The following CSMD3 variants were observed in gnomAD, a reference collection of about 807,000 sequenced individuals.
CSMD3 encodes CUB and sushi domain-containing protein 3.
A neutral mutation model predicts 435.2 loss-of-function variants in CSMD3; 177 were observed. The observed-to-expected ratio is 0.41, with a 90% CI of 0.36 to 0.46. The LOEUF is 0.46. Ranked by LOEUF, CSMD3 falls within the 20% of genes least tolerant of loss-of-function variation. The pLI, the probability that CSMD3 is intolerant of heterozygous loss-of-function variation, is 0.34. For synonymous variants in CSMD3, 1,656 were observed against 1,520.5 expected (o/e 1.09, Z -2.07); for missense variants, 4,265 against 4,504.6 (o/e 0.95, Z 1.52).
chr8:112,426,776 T>G (rs1201696755), intron 32 of CSMD3, among the ~76,000 whole-genome samples: 1 of 152,242 alleles, frequency 6.6e-6, no homozygotes, highest in Non-Finnish European at 1.5e-5. Flanking sequence ...AGATTATTCG[T>G]GTATTCCAGT....
At chr8:112,460,628 T>C (rs548416568) in intron 32 of CSMD3, among the ~76,000 whole-genome samples, 1 of 152,124 alleles carries the variant, frequency 6.6e-6, no homozygotes, top group Non-Finnish European at 1.5e-5. Context: ...GATTTTAATT[T>C]GAATTTTAAT....
At chr8:113,223,538 T>C (rs938319788) in intron 3 of CSMD3, among the ~76,000 whole-genome samples, 2 of 150,242 alleles carry the variant, frequency 1.3e-5, no homozygotes, top group East Asian at 3.9e-4. Context: ...TATTAGCCTT[T>C]ATTATTTATA....
Position 112,656,292 on chromosome 8 carries a change from T to C in CSMD3, c.2866A>G (p.Asn956Asp), listed in dbSNP as rs2075256017. ...YDVLEVHDGP[N>D]LLSPLLGSYN... Reference sequence around the variant, plus strand: ...GATCCAAGCAAGGGTGACAGAAGATTTGGCCCATCATGAACTTCCAGAACA... The same window carrying C: ...GATCCAAGCAAGGGTGACAGAAGATCTGGCCCATCATGAACTTCCAGAACA... The change falls in exon 18 of 71, where the codon AAT becomes GAT. Residue 956 changes from asparagine (N) to aspartate (D), a missense_variant. By Grantham distance (23) the Asn-to-Asp change is conservative (BLOSUM62 1). This residue lies in a region of CSMD3 where 3,255 missense variants were observed against 3,380.2 expected (regional missense o/e 0.96). Transcript: ENST00000297405. 1 of 1,613,634 alleles carries C rather than the reference T, an allele frequency of 6.2e-7. No individual in the cohort carries two copies. Among genetic ancestry groups the C allele is most frequent in the Non-Finnish European group, 8.5e-7 (1 of 1,179,706 alleles).
At chr8:112,879,707 A>G (rs1004814261) in intron 10 of CSMD3, among the ~76,000 whole-genome samples, 2 of 152,028 alleles carry the variant, frequency 1.3e-5, no homozygotes, top group African/African-American at 4.8e-5. Context: ...AGACCAGCTG[A>G]CACTTAGGGA....
intron 31 of CSMD3, among the ~76,000 whole-genome samples, chr8:112,476,963 A>T (rs1819115486): frequency 6.6e-6 from 1 of 152,120 alleles, no homozygotes; most frequent in Admixed American, 6.5e-5. Flanking sequence ...AAGACTTATC[A>T]TATTTCTCTT....
In CSMD3 at chr8:112,547,351, C is replaced by T. The variant is rs865809978; in HGVS notation, c.4564+3320G>A. On this transcript the variant is annotated intron_variant, in intron 27 of 70. Transcript: ENST00000297405. ...AGGCACCATAATTAAAATACCATTA[C>T]CAGCCTGGCCGACGTAATGAGACCT... 2.0e-5 allele frequency among the ~76,000 whole-genome samples: 3 copies of T among 151,890 alleles called. 1 individual carries two copies. The highest frequency in any genetic ancestry group is 2.1e-4 in the South Asian group (1 of 4,820).
At chr8:113,159,943 AAT>A (rs140157124) in intron 4 of CSMD3, among the ~76,000 whole-genome samples, 22 of 149,962 alleles carry the variant, frequency 1.5e-4, no homozygotes, top group South Asian at 2.1e-4. Context: ...GCCAAGTCAG[AAT>A]ATATATATAT....
chr8:113,278,358 TTTG>T (rs1197987414), intron 3 of CSMD3, among the ~76,000 whole-genome samples: 1 of 151,892 alleles, frequency 6.6e-6, no homozygotes, highest in Non-Finnish European at 1.5e-5. Flanking sequence ...TTAATTCCGT[TTTG>T]TTAATTCGTA....
At chr8:112,436,808 TG>T (rs1032070949) in intron 32 of CSMD3, among the ~76,000 whole-genome samples, 2 of 152,028 alleles carry the variant, frequency 1.3e-5, no homozygotes, top group African/African-American at 4.8e-5. Flanking sequence ...TCTACTGAAA[TG>T]CTGACATTTC....
chr8:112,991,942 T>G (rs2085472256), intron 6 of CSMD3, among the ~76,000 whole-genome samples: 1 of 151,848 alleles, frequency 6.6e-6, no homozygotes, highest in African/African-American at 2.4e-5. Flanking sequence ...AGTGTTAATT[T>G]AATTATAGTG....
At chr8:113,410,927 A>AAGAAAGAAAGAC in intron 1 of CSMD3, among the ~76,000 whole-genome samples, 1 of 146,070 alleles carries the variant, frequency 6.8e-6, no homozygotes, top group East Asian at 2.0e-4. Flanking sequence ...GAAAGAAAGA[A>AAGAAAGAAAGAC]AGAAAGAAAG....
chr8:112,821,191 T>G (rs1427597272), intron 12 of CSMD3, among the ~76,000 whole-genome samples: 1 of 152,186 alleles, frequency 6.6e-6, no homozygotes, highest in Non-Finnish European at 1.5e-5. Context: ...CCGGGTCAAA[T>G]GGTATTTCTG....
chr8:112,829,594 A>T, intron 12 of CSMD3, 92 bp downstream of exon 12: 1 of 749,510 alleles, frequency 1.3e-6, no homozygotes, highest in Non-Finnish European at 2.5e-6. Flanking sequence ...TGCTGGTAGT[A>T]GTGGGAGCGA....
chr8:112,768,490 T>C (rs2078035119), intron 13 of CSMD3, among the ~76,000 whole-genome samples: 1 of 151,952 alleles, frequency 6.6e-6, no homozygotes, highest in Non-Finnish European at 1.5e-5. Context: ...TTCCAGAATG[T>C]AAATCAATGA....
intron 5 of CSMD3, among the ~76,000 whole-genome samples, chr8:113,063,432 C>T (rs997669689): frequency 6.6e-6 from 1 of 151,946 alleles, no homozygotes; most frequent in Non-Finnish European, 1.5e-5. Flanking sequence ...ATAGCATGCA[C>T]AATCTTTAAT....
At chr8:112,716,332 G>A (rs1259647441) in intron 13 of CSMD3, among the ~76,000 whole-genome samples, 6 of 151,936 alleles carry the variant, frequency 3.9e-5, no homozygotes, top group Admixed American at 1.3e-4. Context: ...CAATTGCTAC[G>A]AAGAGAATAA....
At chr8:112,888,881 C>T (rs1270863841) in intron 10 of CSMD3, among the ~76,000 whole-genome samples, 3 of 151,520 alleles carry the variant, frequency 2.0e-5, no homozygotes, top group Admixed American at 6.6e-5. Context: ...GTCACCACAG[C>T]GTTGACTGGA....
intron 3 of CSMD3, among the ~76,000 whole-genome samples, chr8:113,259,475 T>C (rs572382712): frequency 1.4e-4 from 22 of 152,268 alleles, no homozygotes; most frequent in African/African-American, 5.3e-4. Context: ...TCTGAGGTTT[T>C]CTATGTTCAT....
chr8:113,133,143 T>A (rs1035637181), intron 4 of CSMD3, among the ~76,000 whole-genome samples: 3 of 152,000 alleles, frequency 2.0e-5, no homozygotes, highest in South Asian at 2.1e-4. Flanking sequence ...TCTGAAAAAA[T>A]TTAAAGAATT....
Sources: allele counts gnomAD v4.1 joint callset (sites outside exome capture counted in the v4.1 genomes callset), GRCh38; gene constraint gnomAD v4.1.1; regional missense constraint gnomAD v4.1.1; transcripts MANE v1.5; gene names NCBI Gene and HGNC (gene_info 2026-07-23, HGNC 2026-07-21).